LPCAT4: variants seen among roughly 807,000 people sequenced by gnomAD.
LPCAT4 encodes the protein lysophospholipid acyltransferase LPCAT4.
A neutral mutation model predicts 66.5 loss-of-function variants in LPCAT4; 30 were observed. The ratio of observed to expected loss-of-function variants is 0.45; its 90% CI spans 0.34 to 0.61. LPCAT4 has a LOEUF of 0.61. Among genes scored for constraint, LPCAT4 ranks in the 20% least tolerant of loss-of-function variants. The pLI is 0.01. For missense variants in LPCAT4, 557 were observed against 656.7 expected (o/e 0.85, Z 1.66); for synonymous variants, 253 against 262.1 (o/e 0.97, Z 0.34).
In LPCAT4 at chr15:34,363,326, A is replaced by C; in HGVS notation, c.746+96T>G. The C allele has an allele frequency of 7.7e-7, 1 of 1,304,236 alleles. No homozygotes were observed. The highest frequency in any genetic ancestry group is 1.1e-6 in the Non-Finnish European group (1 of 924,376). The allele number at this position is 1,304,236 out of a possible 1,614,324, so 80.8% of individuals were successfully genotyped here. On this transcript the variant is annotated intron_variant, in intron 7 of 13. Transcript: ENST00000314891. The surrounding 1 kb of genome is among the most constrained non-coding windows in gnomAD (Gnocchi z 4.3). Reference sequence around the variant, plus strand: ...AGTTCTCTCAGTCCTCAGATGAAGAAGGGCCATTCACCTTGTCGGGAGATT... The same window carrying C: ...AGTTCTCTCAGTCCTCAGATGAAGACGGGCCATTCACCTTGTCGGGAGATT...
At position 34,367,156 on chromosome 15, in the gene LPCAT4, C is replaced by T. The variant is rs2140172625; in HGVS notation, c.-56G>A. 2 of 1,399,376 alleles carry T rather than the reference C, an allele frequency of 1.4e-6. No individual in the cohort carries two copies. The highest frequency in any genetic ancestry group is 2.6e-4 in the Middle Eastern group (1 of 3,776). 86.7% of individuals were successfully genotyped at this position (1,399,376 alleles called of 1,614,324 possible). A position where few individuals can be genotyped will look rare whatever the true frequency, so the allele number is the denominator to read the frequency against. On this transcript the variant is annotated 5_prime_UTR_variant, in exon 1 of 14. Transcript: ENST00000314891. ...GGCCCTGGCCCCGGCCACCACTCTG[C>T]AGAGCAGCTGCTGCTGCAGCAGCGG...
chr15:34,360,281 C>T (rs1000888359), intron 11 of LPCAT4, 72 bp from the exon 12 acceptor site: 64 of 1,155,452 alleles, frequency 5.5e-5, no homozygotes, highest in Middle Eastern at 3.9e-4. Context: ...ATTTTGACTC[C>T]TCCCTCTTCT....
intron 2 of LPCAT4, 82 bp downstream of exon 2, chr15:34,365,477 C>A: frequency 6.3e-7 from 1 of 1,575,424 alleles, no homozygotes; most frequent in Admixed American, 1.7e-5. Flanking sequence ...TCAGAATGCT[C>A]TCTTTTCTTC....
chr15:34,365,262 G>A, intron 2 of LPCAT4, 34 bp from the exon 3 acceptor site: 2 of 1,572,526 alleles, frequency 1.3e-6, no homozygotes, highest in East Asian at 4.6e-5. Context: ...AGCGGAAGCA[G>A]TGGTTCTAAC....
chr15:34,364,476 T>G (rs1245016159), intron 3 of LPCAT4, 170 bp from the exon 4 acceptor site: 1 of 556,588 alleles, frequency 1.8e-6, no homozygotes. Flanking sequence ...CAGGCTGGAG[T>G]GCAATGGCTC....
chr15:34,363,584 A>G lies in LPCAT4; in HGVS notation c.711+77T>C. ...CCCCCAATGCACATCCCATTAAAGC[A>G]CCAACAGTTTTCACTTATTTCCATT... On this transcript the variant is annotated intron_variant, in intron 6 of 13. Transcript: ENST00000314891. This position sits in a 1 kb window ranked among gnomAD's most constrained non-coding sequence, Gnocchi z 4.3. The G allele has an allele frequency of 6.2e-7, 1 of 1,602,186 alleles. No homozygotes were observed. Among genetic ancestry groups the G allele is most frequent in the Non-Finnish European group, 8.6e-7 (1 of 1,169,236 alleles).
rs551609241 is a variant in LPCAT4 at position 34,363,379 on chromosome 15, G to C, written c.746+43C>G. 6.3e-7 allele frequency: 1 copy of C among 1,594,442 alleles called. No homozygotes were observed. The highest frequency in any genetic ancestry group is 1.1e-5 in the South Asian group (1 of 88,382). ...AAGATGGGCCAGGAATTCTCTGATGGACCCTGCTCCCCACCCTCACCCCCA... is the reference window on the plus strand; with the variant it reads ...AAGATGGGCCAGGAATTCTCTGATGCACCCTGCTCCCCACCCTCACCCCCA... On this transcript the variant is annotated intron_variant, in intron 7 of 13. Coordinates refer to ENST00000314891, the MANE Select transcript of LPCAT4 (RefSeq NM_153613.3). The surrounding 1 kb of genome is among the most constrained non-coding windows in gnomAD (Gnocchi z 4.3).
At chr15:34,366,936 C>T (rs1229173084) in intron 1 of LPCAT4, 51 bp downstream of exon 1, 3 of 1,533,964 alleles carry the variant, frequency 2.0e-6, no homozygotes, top group South Asian at 2.4e-5. Flanking sequence ...TCAAATGGCC[C>T]CATTTTCCTA....
rs1164634026 is a variant in LPCAT4, at chr15:34,359,260, T to C, written c.1442A>G (p.Lys481Arg). The change falls in exon 14 of 14, where the codon AAA becomes AGA. Residue 481 changes from lysine (K) to arginine (R), a missense_variant. Coordinates refer to ENST00000314891, the MANE Select transcript of LPCAT4 (RefSeq NM_153613.3). The stretch of plus-strand genomic sequence containing the variant: ...GGGGCGCAGGTAGGTGCTGAAGAGT[T>C]TCCCATAGAGTGGGTCATGGAGGGA... ...NFSLHDPLYG[K>R]LFSTYLRPPH... 17 of 1,556,950 alleles carry C rather than the reference T, an allele frequency of 1.1e-5. No individual in the cohort carries two copies. The highest frequency in any genetic ancestry group is 1.5e-5 in the Non-Finnish European group (17 of 1,150,060).
rs753407088 is a variant in LPCAT4, at chr15:34,362,824, G to C, written c.759C>G (p.Leu253=). The change falls in exon 8 of 14, where the codon CTC becomes CTG. Residue 253 remains leucine, a synonymous_variant. Coordinates refer to ENST00000314891, the MANE Select transcript of LPCAT4 (RefSeq NM_153613.3). The part of the protein sequence containing the change: ...AWRGPGVLKV[L]WLTASQPCSI... ...TGCAGGGCTGAGAGGCTGTGAGCCA[G>C]AGGACTTTGAGTCTAAGAGAAGAGA... is the stretch of plus-strand genomic sequence containing the variant. 1 of 1,614,198 alleles carries C rather than the reference G, an allele frequency of 6.2e-7. No individual in the cohort carries two copies. The highest frequency in any genetic ancestry group is 2.2e-5 in the East Asian group (1 of 44,894).
intron 11 of LPCAT4, 76 bp downstream of exon 11, chr15:34,361,324 T>C: frequency 6.3e-7 from 1 of 1,585,534 alleles, no homozygotes; most frequent in Non-Finnish European, 8.6e-7. Flanking sequence ...TGTGAGTGAC[T>C]GATACGGCCA....
In LPCAT4 at chr15:34,365,134, G is replaced by C. The variant is rs751209708; in HGVS notation, c.352C>G (p.Arg118Gly). The part of the protein sequence containing the change: ...RIRVRGQRAS[R>G]LQAPVLVAAP... ...GCAACAAGGACAGGGGCTTGAAGGC[G>C]AGAGGCTCGCTGGCCACGAACGCGA... Residue 118 changes from arginine (R) to glycine (G), a missense_variant, in exon 3 of 14, where the codon CGC becomes GGC. Around this residue, in one of 4 missense-constraint regions of LPCAT4, gnomAD observed 65 missense variants for 83.5 expected, o/e 0.78. Transcript: ENST00000314891. 20 of 1,614,230 alleles carry C rather than the reference G, an allele frequency of 1.2e-5. No individual in the cohort carries two copies. The highest frequency in any genetic ancestry group is 1.4e-5 in the Non-Finnish European group (17 of 1,180,046).
intron 4 of LPCAT4, 23 bp downstream of exon 4, chr15:34,364,171 A>G (rs963856141): frequency 1.8e-5 from 28 of 1,581,366 alleles, no homozygotes; most frequent in Non-Finnish European, 2.4e-5. Flanking sequence ...AAGTGAGAAG[A>G]TGGTCTTGAG....
Position 34,359,601 on chromosome 15 carries a change from C to T in LPCAT4, c.1387G>A (p.Gly463Ser). 2 of 1,612,458 alleles carry T rather than the reference C, an allele frequency of 1.2e-6. No homozygotes were observed. The highest frequency in any genetic ancestry group is 1.7e-6 in the Non-Finnish European group (2 of 1,179,888). ...GGCAGTGACTCACAGAGGGAGAGGC[C>T]TTGGCTGGATCCTGCCTGGCACAGC... Reference protein sequence around the residue: ...AELCQAGSSQGLSLCQFQNFS... With the variant: ...AELCQAGSSQSLSLCQFQNFS... The change falls in exon 13 of 14, where the codon GGC becomes AGC. Residue 463 changes from glycine to serine, a missense_variant. Coordinates refer to ENST00000314891, the MANE Select transcript of LPCAT4 (RefSeq NM_153613.3).
In LPCAT4 at chr15:34,360,152, C is replaced by T. The variant is rs866613649; in HGVS notation, c.1201G>A (p.Gly401Arg). 2 of 1,614,074 alleles carry T rather than the reference C, an allele frequency of 1.2e-6. No homozygotes were observed. The highest frequency in any genetic ancestry group is 1.7e-6 in the Non-Finnish European group (2 of 1,180,018). ...DVALALAALD[G>R]GRSLEELTRL... is the part of the protein sequence containing the mutation. ...GTTAGCTCTTCCAGGCTCCTGCCCC[C>T]ATCCAGAGCTGCTAGTGCAAGGGCC... Residue 401 changes from glycine (G) to arginine (R), a missense_variant, in exon 12 of 14, where the codon GGG becomes AGG. Physicochemically the swap from Gly to Arg is moderately radical, Grantham distance 125 (BLOSUM62 -2). Coordinates refer to ENST00000314891, the MANE Select transcript of LPCAT4 (RefSeq NM_153613.3).
chr15:34,361,198 A>G, intron 11 of LPCAT4: 1 of 1,444,152 alleles, frequency 6.9e-7, no homozygotes, highest in South Asian at 1.5e-5. Flanking sequence ...CCTCCTCATG[A>G]TGATAACATT....
chr15:34,365,119 C>G lies in LPCAT4; in HGVS notation c.367G>C (p.Val123Leu), dbSNP rs757814234. 2.0e-5 allele frequency: 33 copies of G among 1,614,128 alleles called. No homozygotes were observed. The highest frequency in any genetic ancestry group is 2.7e-5 in the Non-Finnish European group (32 of 1,180,052). ...GTGGAGTGTGGGGCAGCAACAAGGA[C>G]AGGGGCTTGAAGGCGAGAGGCTCGC... ...GQRASRLQAP[V>L]LVAAPHSTFF... is the part of the protein sequence containing the mutation. Residue 123 changes from valine to leucine, a missense_variant, in exon 3 of 14, where the codon GTC becomes CTC. Val to Leu is a conservative substitution (Grantham distance 32). Around this residue, in one of 4 missense-constraint regions of LPCAT4, gnomAD observed 65 missense variants for 83.5 expected, o/e 0.78. Transcript: ENST00000314891.
In LPCAT4 at chr15:34,359,755, G is replaced by A; in HGVS notation, c.1243-10C>T. On this transcript the variant is annotated splice_polypyrimidine_tract_variant and intron_variant, in intron 12 of 13. Coordinates refer to ENST00000314891, the MANE Select transcript of LPCAT4 (RefSeq NM_153613.3). ...GCTCTTCAGCAAAGAGCTTGGGAGA[G>A]AAAGGGATAAGAGTCAAGTTCTCTC... 6.2e-7 allele frequency: 1 copy of A among 1,608,612 alleles called. No individual in the cohort carries two copies. The highest frequency in any genetic ancestry group is 8.5e-7 in the Non-Finnish European group (1 of 1,177,814).
intron 4 of LPCAT4, 60 bp from the exon 5 acceptor site, chr15:34,364,133 A>T: frequency 6.3e-7 from 1 of 1,593,342 alleles, no homozygotes; most frequent in Admixed American, 1.7e-5. Context: ...GGAGAGAGGA[A>T]AGGGAAGCCT....
Sources: gnomAD v4.1 joint callset for allele counts on GRCh38, gnomAD v4.1.1 for gene constraint, gnomAD v4.1.1 regional missense constraint, Gnocchi (gnomAD v3.1) non-coding constraint, MANE v1.5 for transcripts, NCBI Gene and HGNC (gene_info 2026-07-23, HGNC 2026-07-21) for gene names.